Variants in TTN observed in about 807,000 individuals in gnomAD.
The protein encoded by TTN is connectin.
In TTN, 1,525 loss-of-function variants were observed where a neutral mutation model predicts 3,223.0. The observed-to-expected ratio is 0.47, with a 90% CI of 0.45 to 0.49. The LOEUF (loss-of-function observed/expected upper bound fraction) is 0.49, where lower values mean the gene tolerates loss of function less well. Among genes scored for constraint, TTN ranks in the 20% least tolerant of loss-of-function variants. The pLI is 0.00. For missense variants in TTN, 40,786 were observed against 43,424.0 expected, an observed-to-expected ratio of 0.94 and a Z score of 5.40; for synonymous variants, 14,094 against 15,161.0, an observed-to-expected ratio of 0.93 and a Z score of 5.17.
Position 178,590,562 on chromosome 2 carries a change from G to C in TTN, c.61163C>G (p.Ala20388Gly), listed in dbSNP as rs397517648. ...GAGAGGCTTTGTCCACACCAAATCA[G>C]CTGTTTCTCTGCTCTTGTCTTTCAG... Reference protein sequence around the residue: ...PKLKDKSRETADLVWTKPLSD... With the variant: ...PKLKDKSRETGDLVWTKPLSD... Residue 20388 changes from alanine to glycine, a missense_variant, in exon 304 of 363, where the codon GCT becomes GGT. Transcript: ENST00000589042. 2.5e-6 allele frequency: 4 copies of C among 1,612,450 alleles called. No individual in the cohort carries two copies. In the African/African-American group the frequency reaches 5.3e-5, roughly 22 times the overall value.
chr2:178,729,626 A>C, intron 63 of TTN, 38 bp downstream of exon 63: 1 of 1,613,546 alleles, frequency 6.2e-7, no homozygotes, highest in Non-Finnish European at 8.5e-7. Context: ...CTTATCAGGC[A>C]GCACAGCCAA....
At position 178,689,567 on chromosome 2, in the gene TTN, T is replaced by C; in HGVS notation, c.31875A>G (p.Thr10625=). 6.2e-7 allele frequency: 1 copy of C among 1,609,806 alleles called. No individual in the cohort carries two copies. The highest frequency in any genetic ancestry group is 8.5e-7 in the Non-Finnish European group (1 of 1,177,696). ...KVPEVQKGVV[T]EEKITIVTQR... ...GAGTTACAATGGTTATTTTTTCTTC[T>C]GTCACAACTCCCTTCTGTACTTCAG... The change falls in exon 123 of 363, where the codon ACA becomes ACG. Residue 10625 remains threonine, a synonymous_variant. Coordinates refer to ENST00000589042, the MANE Select transcript of TTN (RefSeq NM_001267550.2).
rs1430184680 is a variant in TTN, at chr2:178,725,427, A to G, written c.20777T>C (p.Ile6926Thr). 4 of 1,611,336 alleles carry G rather than the reference A, an allele frequency of 2.5e-6. No individual in the cohort carries two copies. The South Asian group carries it at 4.4e-5, about 18-fold the overall frequency. Residue 6926 changes from isoleucine (I) to threonine (T), a missense_variant, in exon 71 of 363, where the codon ATC becomes ACC. Ile to Thr is a moderately conservative substitution (Grantham distance 89). Coordinates refer to ENST00000589042, the MANE Select transcript of TTN (RefSeq NM_001267550.2). ...TCCACCATCATTCTTGATTTGGCAG[A>G]TATACTTTCCAGCATTAGCTGGCTC... ...KAEPANAGKY[I>T]CQIKNDGGMR...
rs1477069650 is a variant in TTN at position 178,776,151 on chromosome 2, A to G, written c.5713T>C (p.Tyr1905His). The stretch of plus-strand genomic sequence containing the variant: ...GTGACCTTCACTTCACCTGTGTCAT[A>G]TGATTTGCAGTCCACGATGTCCAGG... ...HYLDIVDCKS[Y>H]DTGEVKVTAE... Residue 1905 changes from tyrosine to histidine, a missense_variant, in exon 28 of 363, where the codon TAT becomes CAT. Physicochemically the swap from Tyr to His is moderately conservative, Grantham distance 83. Coordinates refer to ENST00000589042, the MANE Select transcript of TTN (RefSeq NM_001267550.2). 37 of 1,614,116 alleles carry G rather than the reference A, an allele frequency of 2.3e-5. No homozygotes were observed. The highest frequency in any genetic ancestry group is 3.0e-5 in the Non-Finnish European group (35 of 1,179,984).
At position 178,679,936 on chromosome 2, in the gene TTN, ACTC is replaced by A; in HGVS notation, c.33535_33537del (p.Glu11179del). ...GGCACCACTTCTTCCTCAGTTATGA[ACTC>A]CTCTTCTTCATGAATGTACTCTTCT... On this transcript the variant is annotated inframe_deletion, in exon 140 of 363. Transcript: ENST00000589042. The A allele has an allele frequency of 5.6e-6, 9 of 1,612,916 alleles. No homozygotes were observed. Among genetic ancestry groups the A allele is most frequent in the Non-Finnish European group, 7.6e-6 (9 of 1,179,312 alleles).
Position 178,571,479 on chromosome 2 carries a change from C to T in TTN, c.74653G>A (p.Ala24885Thr), listed in dbSNP as rs748083856. 4 of 1,613,246 alleles carry T rather than the reference C, an allele frequency of 2.5e-6. No homozygotes were observed. Among genetic ancestry groups the T allele is most frequent in the Non-Finnish European group, 3.4e-6 (4 of 1,179,592 alleles). ...TGCEYQFRIA[A>T]ENRYGKSTYL... Reference sequence around the variant, plus strand: ...GTACTCTTCCCATATCTGTTTTCAGCTGCAATTCTAAACTGATATTCACAT... The same window carrying T: ...GTACTCTTCCCATATCTGTTTTCAGTTGCAATTCTAAACTGATATTCACAT... The change falls in exon 326 of 363, where the codon GCT becomes ACT. Residue 24885 changes from alanine (A) to threonine (T), a missense_variant. Physicochemically the swap from Ala to Thr is moderately conservative, Grantham distance 58. Transcript: ENST00000589042.
rs375676529 is a variant in TTN, at chr2:178,579,593, C to T, written c.67604G>A (p.Ser22535Asn). 194 of 1,613,184 alleles carry T rather than the reference C, an allele frequency of 1.2e-4. No individual in the cohort carries two copies. The highest frequency in any genetic ancestry group is 1.5e-4 in the Non-Finnish European group (176 of 1,179,508). Residue 22535 changes from serine to asparagine, a missense_variant, in exon 319 of 363, where the codon AGC (serine) becomes AAC (asparagine). Coordinates refer to ENST00000589042, the MANE Select transcript of TTN (RefSeq NM_001267550.2). ...ATCCCTTGCCACAACAGTGATTTCGCTTGGGGTTCCTTCTCCATTTTCATT... is the reference window on the plus strand; with the variant it reads ...ATCCCTTGCCACAACAGTGATTTCGTTTGGGGTTCCTTCTCCATTTTCATT... ...AENENGEGTP[S>N]EITVVARDDV...
chr2:178,665,907 A>G, intron 163 of TTN, 116 bp from the exon 164 acceptor site: 1 of 446,536 alleles, frequency 2.2e-6, no homozygotes, highest in Non-Finnish European at 3.7e-6. Flanking sequence ...CCCCGCCCCC[A>G]GAATCGGATC....
intron 41 of TTN, 85 bp from the exon 42 acceptor site, chr2:178,764,896 G>T: frequency 6.5e-7 from 1 of 1,530,820 alleles, no homozygotes. Flanking sequence ...TTTGTTGCTG[G>T]CTAGTTATAC....
Position 178,551,901 on chromosome 2 carries a change from T to C in TTN, c.90999A>G (p.Ile30333Met). 6.2e-7 allele frequency: 1 copy of C among 1,613,840 alleles called. No individual in the cohort carries two copies. The highest frequency in any genetic ancestry group is 8.5e-7 in the Non-Finnish European group (1 of 1,179,766). Residue 30333 changes from isoleucine to methionine, a missense_variant, in exon 335 of 363, where the codon ATA becomes ATG. Physicochemically the swap from Ile to Met is conservative, Grantham distance 10. Transcript: ENST00000589042. Reference protein sequence around the residue: ...RIPGPPGKPVIYNVTSDGMSL... With the variant: ...RIPGPPGKPVMYNVTSDGMSL... The stretch of plus-strand genomic sequence containing the variant: ...ACATGCCATCAGAAGTCACATTGTA[T>C]ATAACTGGCTTTCCTGGGGGACCAG...
chr2:178,719,728 A>T lies in TTN; in HGVS notation c.23764T>A (p.Trp7922Arg). The change falls in exon 82 of 363, where the codon TGG becomes AGG. Residue 7922 changes from tryptophan to arginine, a missense_variant. Trp to Arg is a moderately radical substitution (Grantham distance 101). Coordinates refer to ENST00000589042, the MANE Select transcript of TTN (RefSeq NM_001267550.2). ...GACAATTCTCTTCCATCTTTGAACC[A>T]CTTGGCTGAGAGTTCTGGTGTTCCA... ...VTGTPELSAK[W>R]FKDGRELSAD... The T allele has an allele frequency of 6.2e-7, 1 of 1,613,688 alleles. No homozygotes were observed. Among genetic ancestry groups the T allele is most frequent in the Non-Finnish European group, 8.5e-7 (1 of 1,179,690 alleles).
At position 178,652,928 on chromosome 2, in the gene TTN, G is replaced by A. The variant is rs745519790; in HGVS notation, c.38879C>T (p.Pro12960Leu). ...AGGAACAACCTCTATGGGAGCCTCT[G>A]GCACTTAAAAGATATTAGTGAAATT... ...KKPEVPPVKV[P>L]EAPIEVVPEK... is the part of the protein sequence containing the mutation. The change falls in exon 200 of 363, where the codon CCA becomes CTA. Residue 12960 changes from proline to leucine, a missense_variant. By Grantham distance (98) the Pro-to-Leu change is moderately conservative. Transcript: ENST00000589042. 30 of 1,605,212 alleles carry A rather than the reference G, an allele frequency of 1.9e-5. No individual in the cohort carries two copies. Among genetic ancestry groups the A allele is most frequent in the East Asian group, 1.1e-4 (5 of 44,672 alleles).
In TTN at chr2:178,567,323, T is replaced by C. The variant is rs1239041708; in HGVS notation, c.78809A>G (p.Asn26270Ser). The stretch of plus-strand genomic sequence containing the variant: ...TGGGAATGACTTAGAACCTGCAACA[T>C]TGGAAGCTCTTAAAATATACTGCCC... ...DGGQYILRAS[N>S]VAGSKSFPVN... The change falls in exon 326 of 363, where the codon AAT becomes AGT. Residue 26270 changes from asparagine (N) to serine (S), a missense_variant. By Grantham distance (46) the Asn-to-Ser change is conservative. Transcript: ENST00000589042. 1.2e-6 allele frequency: 2 copies of C among 1,605,138 alleles called. No individual in the cohort carries two copies. The highest frequency in any genetic ancestry group is 1.7e-5 in the Admixed American group (1 of 58,338).
chr2:178,755,601 G>A (rs1055114562), intron 46 of TTN, among the ~76,000 whole-genome samples: 2 of 151,982 alleles, frequency 1.3e-5, no homozygotes, highest in African/African-American at 4.8e-5. Context: ...CATCCAACAT[G>A]CCTGGCTAAT....
rs1164792965 is a variant in TTN, at chr2:178,530,635, T to A, written c.105980A>T (p.Lys35327Met). 1 of 1,614,030 alleles carries A rather than the reference T, an allele frequency of 6.2e-7. No individual in the cohort carries two copies. The highest frequency in any genetic ancestry group is 1.1e-5 in the South Asian group (1 of 91,088). The stretch of plus-strand genomic sequence containing the variant: ...ATGAAACTGGAAATGCCCATTTTCC[T>A]TCAGTTTCTTGCCATCTTTATACCA... ...VTWYKDGKKLKENGHFQFHYS... is the reference protein window; with the variant it reads ...VTWYKDGKKLMENGHFQFHYS... The change falls in exon 358 of 363, where the codon AAG becomes ATG. Residue 35327 changes from lysine (K) to methionine (M), a missense_variant. Coordinates refer to ENST00000589042, the MANE Select transcript of TTN (RefSeq NM_001267550.2).
chr2:178,564,989 A>G lies in TTN; in HGVS notation c.81143T>C (p.Phe27048Ser). The G allele has an allele frequency of 6.2e-7, 1 of 1,612,104 alleles. No homozygotes were observed. Among genetic ancestry groups the G allele is most frequent in the Non-Finnish European group, 8.5e-7 (1 of 1,179,106 alleles). Residue 27048 changes from phenylalanine (F) to serine (S), a missense_variant, in exon 326 of 363, where the codon TTT (phenylalanine) becomes TCT (serine). Coordinates refer to ENST00000589042, the MANE Select transcript of TTN (RefSeq NM_001267550.2). ...ACTTTTTCCATACCTGTTTTCAGCAAAAATTCTAAACTGGTACTCCGTGCC... is the reference window on the plus strand; with the variant it reads ...ACTTTTTCCATACCTGTTTTCAGCAGAAATTCTAAACTGGTACTCCGTGCC... ...KTGTEYQFRI[F>S]AENRYGKSAP... is the part of the protein sequence containing the mutation.
In TTN at chr2:178,678,413, C is replaced by A. The variant is rs893407745; in HGVS notation, c.33910+1G>T. 6 of 1,582,360 alleles carry A rather than the reference C, an allele frequency of 3.8e-6. No homozygotes were observed. The African/African-American group carries it at 8.1e-5, about 21-fold the overall frequency. On this transcript the variant is annotated splice_donor_variant, in intron 144 of 362. Transcript: ENST00000589042. LOFTEE classifies it high-confidence loss of function. ...GTACTCTAAGTGATGAAATTATGTA[C>A]CTTTTGCAGGTGGAGCCTCCACTTT... is the stretch of plus-strand genomic sequence containing the variant.
In TTN at chr2:178,569,932, A is replaced by G. The variant is rs397517705; in HGVS notation, c.76200T>C (p.Cys25400=). The G allele has an allele frequency of 2.5e-5, 41 of 1,612,976 alleles. 1 individual carries two copies. The Admixed American group carries it at 6.8e-4, about 27-fold the overall frequency. ...PSPPSAYQKA[C]DPIYKPGPPN... is the part of the protein sequence containing the mutation. Reference sequence around the variant, plus strand: ...GGGGTCCTGGTTTATAAATAGGATCACAAGCCTTTTGGTAAGCAGAAGGAG... The same window carrying G: ...GGGGTCCTGGTTTATAAATAGGATCGCAAGCCTTTTGGTAAGCAGAAGGAG... Residue 25400 remains cysteine (C), a synonymous_variant, in exon 326 of 363, where the codon TGT becomes TGC. Transcript: ENST00000589042.
intron 239 of TTN, 88 bp downstream of exon 239, chr2:178,630,153 C>G: frequency 1.3e-6 from 2 of 1,555,666 alleles, no homozygotes; most frequent in Admixed American, 3.6e-5. Context: ...TATTTTCTAA[C>G]TAATAAAATA....
Sources: allele counts gnomAD v4.1 joint callset (sites outside exome capture counted in the v4.1 genomes callset), GRCh38; gene constraint gnomAD v4.1.1; transcripts MANE v1.5; gene names NCBI Gene and HGNC (gene_info 2026-07-23, HGNC 2026-07-21).